CPA6: variants seen among roughly 807,000 people sequenced by gnomAD.
CPA6 encodes the protein carboxypeptidase A6, also known as carboxypeptidase B.
In CPA6, 58 loss-of-function variants were observed where a neutral mutation model predicts 63.3. That is an observed-to-expected ratio of 0.92 (90% CI 0.74 to 1.14). The LOEUF is 1.14. Ranked by LOEUF, CPA6 falls within the 50% of genes most tolerant of loss-of-function variation. The probability of loss-of-function intolerance (pLI) is 0.00; values close to 1 mark genes in which losing one functional copy is unlikely to be tolerated. For synonymous variants in CPA6, 185 were observed against 179.0 expected (o/e 1.03, Z -0.27); for missense variants, 565 against 526.6 (o/e 1.07, Z -0.71).
chr8:67,726,656 A>C (rs1335335952), intron 1 of CPA6, among the ~76,000 whole-genome samples: 1 of 152,226 alleles, frequency 6.6e-6, no homozygotes, highest in Admixed American at 6.5e-5. Flanking sequence ...TCATACTGTG[A>C]TATTGAGACC....
chr8:67,422,628 A>C lies in CPA6; in HGVS notation c.1190T>G (p.Phe397Cys). 6.2e-7 allele frequency: 1 copy of C among 1,614,158 alleles called. No individual in the cohort carries two copies. Among genetic ancestry groups the C allele is most frequent in the Non-Finnish European group, 8.5e-7 (1 of 1,180,002 alleles). Residue 397 changes from phenylalanine (F) to cysteine (C), a missense_variant, in exon 11 of 11, where the codon TTC becomes TGC. Transcript: ENST00000297770. ...AAAATATCCAGTGTCACGTAGTTCGAAAGCAAATGCATAAGGTATTCCATT... is the reference window on the plus strand; with the variant it reads ...AAAATATCCAGTGTCACGTAGTTCGCAAGCAAATGCATAAGGTATTCCATT... ...YKNGIPYAFA[F>C]ELRDTGYFGF...
At chr8:67,744,315 G>A (rs746784310) in intron 1 of CPA6, among the ~76,000 whole-genome samples, 2 of 152,124 alleles carry the variant, frequency 1.3e-5, no homozygotes, top group South Asian at 2.1e-4. Flanking sequence ...ATTAACTTAT[G>A]TAGCAACTGA....
chr8:67,644,105 T>G (rs1401194552), intron 1 of CPA6, among the ~76,000 whole-genome samples: 1 of 151,222 alleles, frequency 6.6e-6, no homozygotes, highest in Non-Finnish European at 1.5e-5. Flanking sequence ...CTAAACTCAT[T>G]TCATTATTGC....
Position 67,746,069 on chromosome 8 carries a change from A to C in CPA6, c.61T>G (p.Phe21Val). The C allele has an allele frequency of 6.2e-7, 1 of 1,614,014 alleles. No individual in the cohort carries two copies. The highest frequency in any genetic ancestry group is 8.5e-7 in the Non-Finnish European group (1 of 1,179,904). ...AAAFLPLCWL[F>V]LKILQPGHSH... ...TGCCCCGGTTGCAGAATCTTCAAAA[A>C]GAGCCAGCAAAGAGGCAGGAAAGCA... The change falls in exon 1 of 11, where the codon TTT becomes GTT. Residue 21 changes from phenylalanine to valine, a missense_variant. Phe to Val is a conservative substitution (Grantham distance 50, BLOSUM62 -1). Transcript: ENST00000297770.
Position 67,741,913 on chromosome 8 carries a change from CA to C in CPA6, c.116+4100del, listed in dbSNP as rs557998783. On this transcript the variant is annotated intron_variant, in intron 1 of 10. Coordinates refer to ENST00000297770, the MANE Select transcript of CPA6 (RefSeq NM_020361.5). ...ACAACCGTAGAAAAATTGTCTTCCA[CA>C]AAACCAGTCCCTGTTGCCAAAAAGG... 1.5e-3 allele frequency among the ~76,000 whole-genome samples: 222 copies of C among 152,292 alleles called. 1 individual carries two copies. The highest frequency in any genetic ancestry group is 5.2e-3 in the African/African-American group (218 of 41,568).
chr8:67,617,636 T>C (rs1437035739), intron 2 of CPA6, among the ~76,000 whole-genome samples: 1 of 152,222 alleles, frequency 6.6e-6, no homozygotes, highest in Non-Finnish European at 1.5e-5. Context: ...ATTAGATTTT[T>C]ATTGCTAAAT....
At chr8:67,554,787 C>T (rs763527447) in intron 2 of CPA6, among the ~76,000 whole-genome samples, 2 of 152,164 alleles carry the variant, frequency 1.3e-5, no homozygotes, top group Non-Finnish European at 2.9e-5. Flanking sequence ...TGACCTGGCT[C>T]TGGGAGAGAG....
intron 2 of CPA6, among the ~76,000 whole-genome samples, chr8:67,621,355 C>A (rs1384139294): frequency 2.6e-5 from 4 of 152,064 alleles, no homozygotes; most frequent in South Asian, 2.1e-4. Flanking sequence ...TCTTGGTGAC[C>A]CCTGACTCTA....
intron 8 of CPA6, among the ~76,000 whole-genome samples, chr8:67,458,206 A>AT (rs1227303873): frequency 4.0e-5 from 6 of 151,862 alleles, no homozygotes; most frequent in Admixed American, 1.3e-4. Context: ...CACTTTATTT[A>AT]TTTTTTTTGA....
chr8:67,425,715 C>G (rs958054598), intron 10 of CPA6, among the ~76,000 whole-genome samples: 1 of 152,082 alleles, frequency 6.6e-6, no homozygotes, highest in African/African-American at 2.4e-5. Context: ...TAAAATGACT[C>G]TTCTGCTTCT....
At chr8:67,471,079 C>T (rs115233560) in intron 8 of CPA6, among the ~76,000 whole-genome samples, 2,029 of 152,300 alleles carry the variant, frequency 0.013, 55 homozygotes, top group African/African-American at 0.045. Flanking sequence ...CTGACCACTT[C>T]TGCCTCTTCT....
chr8:67,688,667 AT>A (rs1231388546), intron 1 of CPA6, among the ~76,000 whole-genome samples: 1 of 151,894 alleles, frequency 6.6e-6, no homozygotes, highest in Non-Finnish European at 1.5e-5. Flanking sequence ...TTTCTGCCCC[AT>A]TTTTCATGAC....
At chr8:67,441,950 A>C (rs932149453) in intron 8 of CPA6, among the ~76,000 whole-genome samples, 3 of 152,170 alleles carry the variant, frequency 2.0e-5, no homozygotes, top group Non-Finnish European at 4.4e-5. Flanking sequence ...ACAAGAATAC[A>C]TGCAGGGTGA....
intron 7 of CPA6, 29 bp downstream of exon 7, chr8:67,484,650 T>A: frequency 8.2e-7 from 1 of 1,213,586 alleles, no homozygotes; most frequent in Admixed American, 1.8e-5. Flanking sequence ...TTTAGTCCTC[T>A]TTTCAACTGG....
At chr8:67,538,966 T>C (rs1237527893) in intron 2 of CPA6, among the ~76,000 whole-genome samples, 1 of 152,168 alleles carries the variant, frequency 6.6e-6, no homozygotes, top group East Asian at 1.9e-4. Context: ...GCCCAGTCTG[T>C]GTCTTTTAAT....
intron 8 of CPA6, among the ~76,000 whole-genome samples, chr8:67,437,013 C>G (rs1318946625): frequency 6.6e-6 from 1 of 152,194 alleles, no homozygotes; most frequent in African/African-American, 2.4e-5. Flanking sequence ...GGGGAACTTA[C>G]AGCAATTGGG....
intron 1 of CPA6, among the ~76,000 whole-genome samples, chr8:67,635,763 A>G (rs1415557310): frequency 1.3e-5 from 2 of 151,616 alleles, no homozygotes; most frequent in Non-Finnish European, 2.9e-5. Context: ...AGTGAAACTC[A>G]AAAGAAAAAG....
At chr8:67,431,143 C>T (rs959671577) in intron 9 of CPA6, among the ~76,000 whole-genome samples, 1 of 152,144 alleles carries the variant, frequency 6.6e-6, no homozygotes, top group Admixed American at 6.5e-5. Flanking sequence ...GGATTATAGG[C>T]ACTAATGATC....
chr8:67,522,134 C>T (rs1812270108), intron 2 of CPA6, among the ~76,000 whole-genome samples: 1 of 152,062 alleles, frequency 6.6e-6, no homozygotes, highest in Non-Finnish European at 1.5e-5. Flanking sequence ...GTGAGAACTT[C>T]CTTGATGCCT....
Sources: allele counts gnomAD v4.1 joint callset (sites outside exome capture counted in the v4.1 genomes callset), GRCh38; gene constraint gnomAD v4.1.1; transcripts MANE v1.5; gene names NCBI Gene and HGNC (gene_info 2026-07-23, HGNC 2026-07-21).